FRMPD4: variants seen among roughly 807,000 people sequenced by gnomAD.
FRMPD4 encodes FERM and PDZ domain-containing protein 4.
In FRMPD4, 22 loss-of-function variants were observed where a neutral mutation model predicts 94.1. The ratio of observed to expected loss-of-function variants is 0.23; its 90% confidence interval spans 0.17 to 0.33. The LOEUF is 0.33. FRMPD4 is among the 10% of genes least tolerant of loss of function. FRMPD4 has a pLI of 1.00. For synonymous variants in FRMPD4, 631 were observed against 548.6 expected, an observed-to-expected ratio of 1.15 and a Z score of -2.10; for missense variants, 1,111 against 1,339.9, an observed-to-expected ratio of 0.83 and a Z score of 2.67.
chrX:12,699,835 A>G (rs986540137), intron 9 of FRMPD4, among the ~76,000 whole-genome samples: 3 of 112,577 alleles, frequency 2.7e-5, no homozygotes, highest in African/African-American at 9.7e-5. Flanking sequence ...TCAACAAAGT[A>G]TGGATAGCCA....
intron 1 of FRMPD4, among the ~76,000 whole-genome samples, chrX:11,853,198 TG>T (rs1338290717): frequency 1.8e-5 from 2 of 111,698 alleles, no homozygotes; most frequent in Non-Finnish European, 3.8e-5. Flanking sequence ...TTGAAACTAA[TG>T]AGAAAAAAGA....
intron 1 of FRMPD4, among the ~76,000 whole-genome samples, chrX:12,399,158 T>G (rs932664556): frequency 8.1e-5 from 9 of 111,596 alleles, no homozygotes; most frequent in African/African-American, 2.9e-4. Context: ...ACTTTAGTGC[T>G]GATTGCGCTG....
At chrX:12,171,442 C>CT (rs1569179258) in intron 1 of FRMPD4, among the ~76,000 whole-genome samples, 1 of 111,685 alleles carries the variant, frequency 9.0e-6, no homozygotes, top group Non-Finnish European at 1.9e-5. Context: ...TCCTGGAGGC[C>CT]TTTTTTAAAG....
chrX:12,088,465 T>G (rs1410426300), intron 3 of FRMPD4, among the ~76,000 whole-genome samples: 1 of 111,766 alleles, frequency 8.9e-6, no homozygotes, highest in East Asian at 2.8e-4. Flanking sequence ...TCGGAATTGG[T>G]GGTGTGGTCT....
At chrX:12,121,241 T>G (rs1319823313) in intron 3 of FRMPD4, among the ~76,000 whole-genome samples, 3 of 110,388 alleles carry the variant, frequency 2.7e-5, no homozygotes, top group African/African-American at 9.8e-5. Context: ...CAGAAGCAGA[T>G]ATAAGAATCC....
chrX:12,600,042 G>T (rs887960235), intron 2 of FRMPD4, among the ~76,000 whole-genome samples: 1 of 110,854 alleles, frequency 9.0e-6, no homozygotes, highest in Non-Finnish European at 1.9e-5. Flanking sequence ...ATTTATTTTT[G>T]AACATCTTGG....
At chrX:12,179,589 T>G (rs1158741929) in intron 1 of FRMPD4, among the ~76,000 whole-genome samples, 3 of 111,700 alleles carry the variant, frequency 2.7e-5, no homozygotes, top group Non-Finnish European at 1.9e-5. Flanking sequence ...ATGACAAGTA[T>G]GCAAGAAATA....
intron 1 of FRMPD4, among the ~76,000 whole-genome samples, chrX:12,470,071 T>C (rs1370381464): frequency 8.9e-6 from 1 of 112,235 alleles, no homozygotes; most frequent in Non-Finnish European, 1.9e-5. Flanking sequence ...GGGAAAGCTG[T>C]GACCCCAGAT....
intron 1 of FRMPD4, among the ~76,000 whole-genome samples, chrX:12,455,984 G>A (rs1416691934): frequency 9.0e-6 from 1 of 111,129 alleles, no homozygotes; most frequent in Non-Finnish European, 1.9e-5. Context: ...AGTAGAGACG[G>A]GGTTTCTCCA....
chrX:12,270,933 C>T (rs1173057915), intron 1 of FRMPD4, among the ~76,000 whole-genome samples: 1 of 111,815 alleles, frequency 8.9e-6, no homozygotes, highest in Admixed American at 9.5e-5. Context: ...TACATGGGAA[C>T]TTTCTGTATT....
intron 1 of FRMPD4, among the ~76,000 whole-genome samples, chrX:11,856,785 T>A (rs1457741692): frequency 8.9e-6 from 1 of 112,022 alleles, no homozygotes; most frequent in Non-Finnish European, 1.9e-5. Context: ...TTGCAGATGA[T>A]GTAATTCTAT....
chrX:12,142,783 A>ATC (rs760619855), intron 1 of FRMPD4, among the ~76,000 whole-genome samples: 43 of 110,092 alleles, frequency 3.9e-4, no homozygotes, highest in Non-Finnish European at 5.5e-4. Flanking sequence ...CATTTCAAGC[A>ATC]TCTCTCTCTC....
chrX:11,994,661 G>A (rs1217131719), intron 3 of FRMPD4, among the ~76,000 whole-genome samples: 1 of 111,709 alleles, frequency 9.0e-6, no homozygotes, highest in Admixed American at 9.5e-5. Context: ...TCACACACAC[G>A]ATGGCAAACT....
At chrX:11,959,297 C>T (rs2054272421) in intron 3 of FRMPD4, among the ~76,000 whole-genome samples, 1 of 112,003 alleles carries the variant, frequency 8.9e-6, no homozygotes, top group African/African-American at 3.2e-5. Flanking sequence ...CACTTCAAGG[C>T]AGTGGGTAAA....
chrX:12,069,343 G>T (rs5935233), intron 3 of FRMPD4, among the ~76,000 whole-genome samples: 30,882 of 110,346 alleles, frequency 0.28, 3,710 homozygotes, highest in East Asian at 0.58. Flanking sequence ...TCGGGAGGCA[G>T]TGTATCTGAT....
chrX:12,232,211 C>G (rs954585996), intron 1 of FRMPD4, among the ~76,000 whole-genome samples: 2 of 111,537 alleles, frequency 1.8e-5, no homozygotes, highest in African/African-American at 3.3e-5. Flanking sequence ...TTACTTAGTA[C>G]TTGTATTAGT....
chrX:12,077,922 C>T (rs1262473484), intron 3 of FRMPD4, among the ~76,000 whole-genome samples: 1 of 112,213 alleles, frequency 8.9e-6, no homozygotes, highest in African/African-American at 3.2e-5. Context: ...TAAAGCAACA[C>T]ACATTATTTT....
chrX:12,386,767 C>T (rs929768639), intron 1 of FRMPD4, among the ~76,000 whole-genome samples: 2 of 110,480 alleles, frequency 1.8e-5, no homozygotes, highest in African/African-American at 6.6e-5. Flanking sequence ...TAACAAGTGG[C>T]GATGATGATA....
At chrX:12,596,684 G>T (rs1176187713) in intron 2 of FRMPD4, among the ~76,000 whole-genome samples, 1 of 110,826 alleles carries the variant, frequency 9.0e-6, no homozygotes, top group Non-Finnish European at 1.9e-5. Flanking sequence ...ATGATCTGAA[G>T]ATCCCTACCC....
Sources: gnomAD v4.1 joint callset for allele counts (sites outside exome capture counted in the v4.1 genomes callset) on GRCh38, gnomAD v4.1.1 for gene constraint, MANE v1.5 for transcripts, NCBI Gene and HGNC (gene_info 2026-07-23, HGNC 2026-07-21) for gene names.